CKAP2: variants seen among roughly 807,000 people sequenced by gnomAD.
CKAP2 encodes cytoskeleton-associated protein 2.
In CKAP2, 46 loss-of-function variants were observed where a neutral mutation model predicts 58.4. That is an observed-to-expected ratio of 0.79 (90% CI 0.62 to 1.01). The LOEUF (loss-of-function observed/expected upper bound fraction) is 1.01, where lower values mean the gene tolerates loss of function less well. Among genes scored for constraint, CKAP2 ranks in the 50% least tolerant of loss-of-function variants. The pLI is 0.00. For missense variants in CKAP2, 809 were observed against 796.4 expected (o/e 1.02, Z -0.19); for synonymous variants, 293 against 280.9 (o/e 1.04, Z -0.43).
At position 52,464,323 on chromosome 13, in the gene CKAP2, C is replaced by T. The variant is rs561767653; in HGVS notation, c.1306-972C>T. 9.2e-5 allele frequency among the ~76,000 whole-genome samples: 14 copies of T among 152,158 alleles called. No homozygotes were observed. The South Asian group carries it at 1.9e-3, about 20-fold the overall frequency. On this transcript the variant is annotated intron_variant, in intron 5 of 8. Coordinates refer to ENST00000258607, the MANE Select transcript of CKAP2 (RefSeq NM_018204.5). ...ATCCCAGCACTTTGGGAGGCCAAGGCGGGCGGATCACCCAAGGTCAGGAGT... is the reference window on the plus strand; with the variant it reads ...ATCCCAGCACTTTGGGAGGCCAAGGTGGGCGGATCACCCAAGGTCAGGAGT...
In CKAP2 at chr13:52,461,693, A is replaced by G. The variant is rs749432327; in HGVS notation, c.867A>G (p.Leu289=). 9.9e-6 allele frequency: 16 copies of G among 1,613,922 alleles called. No homozygotes were observed. In the South Asian group the frequency reaches 1.3e-4, roughly 13 times the overall value. The change falls in exon 4 of 9, where the codon CTA becomes CTG. Residue 289 remains leucine (L), a synonymous_variant. Transcript: ENST00000258607. ...TIRKGPHEKE[L]LQSKTALSSV... is the part of the protein sequence containing the mutation. ...GGAAAGGGCCTCATGAAAAAGAACT[A>G]TTACAATCAAAAACAGCTTTATCTA...
intron 7 of CKAP2, among the ~76,000 whole-genome samples, chr13:52,469,653 G>A (rs1958734429): frequency 6.8e-6 from 1 of 147,182 alleles, no homozygotes; most frequent in Non-Finnish European, 1.5e-5. Context: ...GCGGACTGCA[G>A]TGGCGCAATC....
intron 6 of CKAP2, among the ~76,000 whole-genome samples, chr13:52,467,967 G>C (rs111344409): frequency 6.6e-6 from 1 of 151,902 alleles, no homozygotes; most frequent in Non-Finnish European, 1.5e-5. Flanking sequence ...CTGCCACCAC[G>C]CCCGGCTCAT....
chr13:52,461,843 C>T lies in CKAP2; in HGVS notation c.1017C>T (p.Pro339=), dbSNP rs760539520. ...ATAAACTGATGGAAAAGTCAGAGCC[C>T]GTTGACCAGCGAAGACATACTGCAG... ...SNDKLMEKSE[P]VDQRRHTAGK... The change falls in exon 4 of 9, where the codon CCC becomes CCT. Residue 339 remains proline, a synonymous_variant. Coordinates refer to ENST00000258607, the MANE Select transcript of CKAP2 (RefSeq NM_018204.5). The T allele has an allele frequency of 5.6e-6, 9 of 1,613,908 alleles. No homozygotes were observed. The highest frequency in any genetic ancestry group is 1.7e-5 in the Admixed American group (1 of 59,976).
chr13:52,468,357 A>G lies in CKAP2; in HGVS notation c.1546+10A>G. The stretch of plus-strand genomic sequence containing the variant: ...GAAAAAGCTAATTTAGGTAAGTTTT[A>G]GTTATTTTATTTCCTTCATGTGAAC... On this transcript the variant is annotated intron_variant, in intron 7 of 8. Transcript: ENST00000258607. 1 of 1,522,734 alleles carries G rather than the reference A, an allele frequency of 6.6e-7. No individual in the cohort carries two copies. The highest frequency in any genetic ancestry group is 1.2e-5 in the South Asian group (1 of 84,396). The allele number at this position is 1,522,734 out of a possible 1,614,324, so 94.3% of individuals were successfully genotyped here. A position where few individuals can be genotyped will look rare whatever the true frequency, so the allele number is the denominator to read the frequency against.
At chr13:52,464,428 C>A (rs1958631589) in intron 5 of CKAP2, among the ~76,000 whole-genome samples, 1 of 151,894 alleles carries the variant, frequency 6.6e-6, no homozygotes, top group Non-Finnish European at 1.5e-5. Context: ...AGGCGGGTGC[C>A]TGTAATCTCA....
In CKAP2 at chr13:52,475,301, A is replaced by G. The variant is rs1958813760; in HGVS notation, c.*160A>G. ...CTTTACTAACATTCATGTTATGGCA[A>G]GAGTTGTCCTCTACATTGGAAAGCT... On this transcript the variant is annotated 3_prime_UTR_variant, in exon 9 of 9. Coordinates refer to ENST00000258607, the MANE Select transcript of CKAP2 (RefSeq NM_018204.5). The G allele has an allele frequency of 1.1e-6, 1 of 877,216 alleles. No individual in the cohort carries two copies. The highest frequency in any genetic ancestry group is 2.5e-5 in the East Asian group (1 of 39,306). 54.3% of individuals were successfully genotyped at this position (877,216 alleles called of 1,614,324 possible). A position where few individuals can be genotyped will look rare whatever the true frequency, so the allele number is the denominator to read the frequency against.
Position 52,475,993 on chromosome 13 carries a change from T to G in CKAP2, c.*852T>G, listed in dbSNP as rs948407567. 2.0e-5 allele frequency: 3 copies of G among 152,214 alleles called. No individual in the cohort carries two copies. Among genetic ancestry groups the G allele is most frequent in the African/African-American group, 7.2e-5 (3 of 41,446 alleles). The allele number at this position is 152,214 out of a possible 1,614,324, so 9.4% of individuals were successfully genotyped here. On this transcript the variant is annotated 3_prime_UTR_variant, in exon 9 of 9. Transcript: ENST00000258607. Reference sequence around the variant, plus strand: ...TAGATAGCATTTCTAAGATAACTGATACTAATACTTGTTTTCTTCCCTATA... The same window carrying G: ...TAGATAGCATTTCTAAGATAACTGAGACTAATACTTGTTTTCTTCCCTATA...
rs746454318 is a variant in CKAP2, at chr13:52,473,843, A to G, written c.1561A>G (p.Lys521Glu). 2 of 1,604,448 alleles carry G rather than the reference A, an allele frequency of 1.2e-6. No individual in the cohort carries two copies. The highest frequency in any genetic ancestry group is 1.3e-5 in the African/African-American group (1 of 74,314). The change falls in exon 8 of 9, where the codon AAG (lysine) becomes GAG (glutamate). Residue 521 changes from lysine (K) to glutamate (E), a missense_variant. By Grantham distance (56) the Lys-to-Glu change is moderately conservative. Coordinates refer to ENST00000258607, the MANE Select transcript of CKAP2 (RefSeq NM_018204.5). ...EKANLGENMEKSCASKEEVKE... is the reference protein window; with the variant it reads ...EKANLGENMEESCASKEEVKE... ...ATTTTCTATAGGAGAAAATATGGAG[A>G]AGTCTTGTGCAAGCAAGGAAGAAGT...
intron 7 of CKAP2, among the ~76,000 whole-genome samples, chr13:52,469,620 C>T (rs1156860639): frequency 7.0e-6 from 1 of 143,048 alleles, no homozygotes; most frequent in South Asian, 2.2e-4. Context: ...GACGGAGTCT[C>T]GCTCTGTCGC....
At chr13:52,471,430 A>G (rs1030734370) in intron 7 of CKAP2, among the ~76,000 whole-genome samples, 9 of 152,032 alleles carry the variant, frequency 5.9e-5, no homozygotes, top group African/African-American at 2.2e-4. Flanking sequence ...TAAGTTCTGG[A>G]TATAAAACCA....
chr13:52,465,513 T>C (rs775355265), intron 6 of CKAP2, 48 bp downstream of exon 6: 2 of 1,511,674 alleles, frequency 1.3e-6, no homozygotes, highest in South Asian at 2.3e-5. Context: ...TAGTAGACAA[T>C]TCGGAATTAA....
At chr13:52,465,579 ATAAATGT>A (rs1282125901) in intron 6 of CKAP2, 114 bp downstream of exon 6, 3 of 876,794 alleles carry the variant, frequency 3.4e-6, no homozygotes, top group Non-Finnish European at 5.5e-6. Flanking sequence ...TGTAGTGGTA[ATAAATGT>A]TTAAAGGCTG....
rs1441342721 is a variant in CKAP2 at position 52,476,522 on chromosome 13, CTT to C, written c.*1383_*1384del. 1.3e-5 allele frequency: 2 copies of C among 152,152 alleles called. No individual in the cohort carries two copies. The highest frequency in any genetic ancestry group is 4.8e-5 in the African/African-American group (2 of 41,428). The allele number at this position is 152,152 out of a possible 1,614,324, so 9.4% of individuals were successfully genotyped here. ...AAAGTCATCAGTCTACTTACATAAA[CTT>C]TACCTAATTTTTTTCACTTTAACAA... On this transcript the variant is annotated 3_prime_UTR_variant, in exon 9 of 9. Coordinates refer to ENST00000258607, the MANE Select transcript of CKAP2 (RefSeq NM_018204.5).
intron 1 of CKAP2, chr13:52,455,915 G>A: frequency 8.7e-7 from 1 of 1,144,168 alleles, no homozygotes; most frequent in Admixed American, 4.8e-5. Context: ...GGCCGGGGTC[G>A]GTGTCGGAGA....
At chr13:52,469,592 T>TG (rs1958730783) in intron 7 of CKAP2, among the ~76,000 whole-genome samples, 1 of 143,970 alleles carries the variant, frequency 6.9e-6, no homozygotes, top group Non-Finnish European at 1.5e-5. Flanking sequence ...TTTATTTATT[T>TG]ATTTATTTTT....
chr13:52,474,997 TAAATTGCCAGATATGTTA>T lies in CKAP2; in HGVS notation c.1909_1926del (p.Leu637_Lys642del). 6.2e-7 allele frequency: 1 copy of T among 1,614,234 alleles called. No homozygotes were observed. Among genetic ancestry groups the T allele is most frequent in the South Asian group, 1.1e-5 (1 of 91,084 alleles). ...CTCGACGTCTTCAAGAGAAAACTTCTAAATTGCCAGATATGTTAAAAGATCATTATCCTTGTGTGTCTT... is the reference window on the plus strand; with the variant it reads ...CTCGACGTCTTCAAGAGAAAACTTCTAAAGATCATTATCCTTGTGTGTCTT... On this transcript the variant is annotated inframe_deletion, in exon 9 of 9. Coordinates refer to ENST00000258607, the MANE Select transcript of CKAP2 (RefSeq NM_018204.5).
Position 52,459,040 on chromosome 13 carries a change from T to TAAG in CKAP2, c.156-1857_156-1855dup, listed in dbSNP as rs139716630. Among the ~76,000 whole-genome samples, 1,123 of 152,250 alleles carry TAAG rather than the reference T, an allele frequency of 7.4e-3. 6 individuals carry two copies. Among genetic ancestry groups the TAAG allele is most frequent in the African/African-American group, 0.017 (700 of 41,544 alleles). ...AACCCTTCTGAGGGCAGTTTTATAA[T>TAAG]AAGACAGAATAGGATTAAGTCTCCC... On this transcript the variant is annotated intron_variant, in intron 2 of 8. Transcript: ENST00000258607.
chr13:52,474,775 CAATT>C, intron 8 of CKAP2, 116 bp from the exon 9 acceptor site: 3 of 972,304 alleles, frequency 3.1e-6, no homozygotes, highest in South Asian at 1.7e-5. Flanking sequence ...CTCTAAAAGA[CAATT>C]AAATGCTTTT....
Sources: gnomAD v4.1 joint callset for allele counts (sites outside exome capture counted in the v4.1 genomes callset) on GRCh38, gnomAD v4.1.1 for gene constraint, MANE v1.5 for transcripts, NCBI Gene and HGNC (gene_info 2026-07-23, HGNC 2026-07-21) for gene names.